ALDH16A1: variants seen among roughly 807,000 people sequenced by gnomAD.
ALDH16A1 encodes aldehyde dehydrogenase family 16 member A1.
In ALDH16A1, 88 loss-of-function variants were observed where a neutral mutation model predicts 96.1. That is an observed-to-expected ratio of 0.92 (90% CI 0.77 to 1.09). The LOEUF (loss-of-function observed/expected upper bound fraction) is 1.09, where lower values mean the gene tolerates loss of function less well. ALDH16A1 is among the 50% of genes least tolerant of loss of function. The pLI is 0.00. For synonymous variants in ALDH16A1, 522 were observed against 496.4 expected (o/e 1.05, Z -0.69); for missense variants, 1,250 against 1,112.6 (o/e 1.12, Z -1.76).
rs532344841 is a variant in ALDH16A1, at chr19:49,467,689, C to T, written c.1939-692C>T. 5.9e-5 allele frequency among the ~76,000 whole-genome samples: 9 copies of T among 151,796 alleles called. No individual in the cohort carries two copies. The East Asian group carries it at 7.8e-4, about 13-fold the overall frequency. On this transcript the variant is annotated intron_variant, in intron 14 of 16. Coordinates refer to ENST00000293350, the MANE Select transcript of ALDH16A1 (RefSeq NM_153329.4). ...GATTACAGGTGTGAGCCACTACACC[C>T]GGCCTTCTTTTTTTTAAATTTTATT...
chr19:49,468,208 C>G lies in ALDH16A1; in HGVS notation c.1939-173C>G. 1 of 612,164 alleles carries G rather than the reference C, an allele frequency of 1.6e-6. No homozygotes were observed. Among genetic ancestry groups the G allele is most frequent in the South Asian group, 2.2e-5 (1 of 45,306 alleles). The allele number at this position is 612,164 out of a possible 1,614,324, so 37.9% of individuals were successfully genotyped here. A position where few individuals can be genotyped will look rare whatever the true frequency, so the allele number is the denominator to read the frequency against. On this transcript the variant is annotated intron_variant, in intron 14 of 16. Coordinates refer to ENST00000293350, the MANE Select transcript of ALDH16A1 (RefSeq NM_153329.4). This position sits in a 1 kb window ranked among gnomAD's most constrained non-coding sequence, Gnocchi z 4.4. ...GTTATGCAGGATGTTTCTCACCGCC[C>G]GAACCCCCGTGGAATGATTCACTTT...
Position 49,459,757 on chromosome 19 carries a change from C to T in ALDH16A1, c.408C>T (p.Asp136=), listed in dbSNP as rs145280016. The change falls in exon 4 of 17, where the codon GAC becomes GAT. Residue 136 remains aspartate, a synonymous_variant. Transcript: ENST00000293350. The surrounding 1 kb of genome is among the most constrained non-coding windows in gnomAD (Gnocchi z 4.1). ...GGCGGGCTGTTCGAGAGGTTCGAGACGGGGACGTCCAGCTGGCCCAGCAGC... is the reference window on the plus strand; with the variant it reads ...GGCGGGCTGTTCGAGAGGTTCGAGATGGGGACGTCCAGCTGGCCCAGCAGC... ...VTGRAVREVR[D]GDVQLAQQLL... 2.2e-5 allele frequency: 35 copies of T among 1,613,678 alleles called. No individual in the cohort carries two copies. The highest frequency in any genetic ancestry group is 1.2e-4 in the African/African-American group (9 of 75,020).
rs764861882 is a variant in ALDH16A1, at chr19:49,461,976, G to A, written c.852G>A (p.Thr284=). ...AGTCGCTGCTGCTGCTGACGGACACGGCGGACGTAGACTCGGCCGTGGAGG... is the reference window on the plus strand; with the variant it reads ...AGTCGCTGCTGCTGCTGACGGACACAGCGGACGTAGACTCGGCCGTGGAGG... The part of the protein sequence containing the change: ...GTESLLLLTD[T]ADVDSAVEGV... The change falls in exon 7 of 17, where the codon ACG becomes ACA. Residue 284 remains threonine (T), a synonymous_variant. Transcript: ENST00000293350. The A allele has an allele frequency of 1.9e-5, 30 of 1,554,964 alleles. No homozygotes were observed. The highest frequency in any genetic ancestry group is 1.2e-4 in the South Asian group (10 of 85,190).
intron 1 of ALDH16A1, among the ~76,000 whole-genome samples, chr19:49,454,020 G>GTTT (rs3032838): frequency 2.9e-5 from 2 of 68,250 alleles, no homozygotes; most frequent in Non-Finnish European, 3.7e-5. Context: ...TTTGGGTTGG[G>GTTT]TTTTTTTTTT....
chr19:49,460,694 G>C (rs529386987), intron 4 of ALDH16A1, 128 bp from the exon 5 acceptor site: 10 of 790,278 alleles, frequency 1.3e-5, no homozygotes, highest in Non-Finnish European at 1.8e-5. Context: ...GATTACAGGC[G>C]TGAGCCACCA....
chr19:49,459,788 C>T lies in ALDH16A1; in HGVS notation c.439C>T (p.His147Tyr). The change falls in exon 4 of 17, where the codon CAC becomes TAC. Residue 147 changes from histidine to tyrosine, a missense_variant. His to Tyr is a moderately conservative substitution (Grantham distance 83). Coordinates refer to ENST00000293350, the MANE Select transcript of ALDH16A1 (RefSeq NM_153329.4). This position sits in a 1 kb window ranked among gnomAD's most constrained non-coding sequence, Gnocchi z 4.1. ...CGTCCAGCTGGCCCAGCAGCTGCTC[C>T]ACTACCATGCAATCCAGGCATCCAC... is the stretch of plus-strand genomic sequence containing the variant. Reference protein sequence around the residue: ...GDVQLAQQLLHYHAIQASTQE... With the variant: ...GDVQLAQQLLYYHAIQASTQE... The T allele has an allele frequency of 6.2e-7, 1 of 1,613,564 alleles. No homozygotes were observed. The highest frequency in any genetic ancestry group is 8.5e-7 in the Non-Finnish European group (1 of 1,179,908).
chr19:49,462,357 A>G (rs1438501236), intron 7 of ALDH16A1, among the ~76,000 whole-genome samples: 2 of 151,700 alleles, frequency 1.3e-5, no homozygotes, highest in Non-Finnish European at 2.9e-5. Context: ...CTGGTCTCGA[A>G]CTCCTGACCT....
At position 49,470,268 on chromosome 19, in the gene ALDH16A1, C is replaced by T. The variant is rs752304654; in HGVS notation, c.2248-38C>T. The T allele has an allele frequency of 8.1e-6, 13 of 1,610,798 alleles. No individual in the cohort carries two copies. The Admixed American group carries it at 2.2e-4, about 27-fold the overall frequency. ...AGGAAGCAGGTGCTCAGCAACAAGC[C>T]TGCAGAAGTGCTTACCCCCGTCTCT... On this transcript the variant is annotated intron_variant, in intron 16 of 16. Transcript: ENST00000293350.
rs745940024 is a variant in ALDH16A1, at chr19:49,461,912, C to T, written c.788C>T (p.Ala263Val). Residue 263 changes from alanine to valine, a missense_variant, in exon 7 of 17, where the codon GCG becomes GTG. Coordinates refer to ENST00000293350, the MANE Select transcript of ALDH16A1 (RefSeq NM_153329.4). ...EEGRALRRSL[A>V]GECAELGLAL... ...GGGCGTGCCCTTCGACGGAGCCTGG[C>T]GGGAGAGTGTGCGGAGCTGGGCCTG... 5.1e-6 allele frequency: 8 copies of T among 1,580,494 alleles called. No individual in the cohort carries two copies. In the East Asian group the frequency reaches 7.0e-5, roughly 14 times the overall value.
chr19:49,466,925 A>G (rs112367220), intron 14 of ALDH16A1, among the ~76,000 whole-genome samples: 2,441 of 151,440 alleles, frequency 0.016, 32 homozygotes, highest in South Asian at 0.039. Context: ...TAATCCTAGC[A>G]CTTTGGGAGG....
chr19:49,461,970 G>T lies in ALDH16A1; in HGVS notation c.846G>T (p.Thr282=), dbSNP rs202209926. ...GGACGGAGTCGCTGCTGCTGCTGAC[G>T]GACACGGCGGACGTAGACTCGGCCG... The part of the protein sequence containing the change: ...ALGTESLLLL[T]DTADVDSAVE... Residue 282 remains threonine, a synonymous_variant, in exon 7 of 17, where the codon ACG becomes ACT. Coordinates refer to ENST00000293350, the MANE Select transcript of ALDH16A1 (RefSeq NM_153329.4). The T allele has an allele frequency of 7.1e-4, 1,110 of 1,555,362 alleles. 1 individual carries two copies. Among genetic ancestry groups the T allele is most frequent in the Admixed American group, 1.4e-3 (71 of 52,218 alleles).
rs776784976 is a variant in ALDH16A1, at chr19:49,468,249, A to C, written c.1939-132A>C. On this transcript the variant is annotated intron_variant, in intron 14 of 16. Coordinates refer to ENST00000293350, the MANE Select transcript of ALDH16A1 (RefSeq NM_153329.4). This position sits in a 1 kb window ranked among gnomAD's most constrained non-coding sequence, Gnocchi z 4.4. ...GATTCACTTTGACCAGCGTCTGCGA[A>C]ATGGCAGGGGCTTCCACAATGGTGC... 15 of 898,906 alleles carry C rather than the reference A, an allele frequency of 1.7e-5. No homozygotes were observed. The highest frequency in any genetic ancestry group is 2.2e-5 in the Non-Finnish European group (13 of 603,814). 55.7% of individuals were successfully genotyped at this position (898,906 alleles called of 1,614,324 possible).
At position 49,468,967 on chromosome 19, in the gene ALDH16A1, G is replaced by A. The variant is rs867870834; in HGVS notation, c.2228G>A (p.Trp743Ter). The change falls in exon 16 of 17, where the codon TGG becomes TAG. Residue 743 changes from tryptophan to a stop codon, truncating the protein, a stop_gained. Coordinates refer to ENST00000293350, the MANE Select transcript of ALDH16A1 (RefSeq NM_153329.4). LOFTEE classifies it high-confidence loss of function. The surrounding 1 kb of genome is among the most constrained non-coding windows in gnomAD (Gnocchi z 4.4). ...LALHQDVQAM[W>*]YFGSAQGSQF... is the part of the protein sequence containing the mutation. Reference sequence around the variant, plus strand: ...TTGCACCAAGACGTCCAGGCCATGTGGTATTTCGGATCAGCCCAGGTGCTC... The same window carrying A: ...TTGCACCAAGACGTCCAGGCCATGTAGTATTTCGGATCAGCCCAGGTGCTC... The A allele has an allele frequency of 5.6e-6, 9 of 1,613,052 alleles. No individual in the cohort carries two copies. In the African/African-American group the frequency reaches 9.3e-5, roughly 17 times the overall value.
chr19:49,470,382 GGGACCAGGA>G lies in ALDH16A1; in HGVS notation c.2327_2335del (p.Asp776_Glu778del). Reference sequence around the variant, plus strand: ...GCGAGCAGGGGCTGCCCGCGGGCCTGGGACCAGGAGGCCGAGGGGGCAGGCCCAGAGCTG... The same window carrying G: ...GCGAGCAGGGGCTGCCCGCGGGCCTGGGCCGAGGGGGCAGGCCCAGAGCTG... On this transcript the variant is annotated inframe_deletion, in exon 17 of 17. Coordinates refer to ENST00000293350, the MANE Select transcript of ALDH16A1 (RefSeq NM_153329.4). The G allele has an allele frequency of 6.2e-7, 1 of 1,612,778 alleles. No homozygotes were observed. The highest frequency in any genetic ancestry group is 8.5e-7 in the Non-Finnish European group (1 of 1,179,730).
Position 49,465,911 on chromosome 19 carries a change from G to A in ALDH16A1, c.1736+6G>A, listed in dbSNP as rs138680384. ...GCTCACCAGGCTTTCCCTGGGTAAGGGGTCACACGGGAAAGCCCAAGGGTC... is the reference window on the plus strand; with the variant it reads ...GCTCACCAGGCTTTCCCTGGGTAAGAGGTCACACGGGAAAGCCCAAGGGTC... On this transcript the variant is annotated splice_donor_region_variant and intron_variant, in intron 13 of 16. Coordinates refer to ENST00000293350, the MANE Select transcript of ALDH16A1 (RefSeq NM_153329.4). 3,428 of 1,612,774 alleles carry A rather than the reference G, an allele frequency of 2.1e-3. 74 individuals are homozygous for A. The African/African-American group carries it at 0.04, about 19-fold the overall frequency.
intron 13 of ALDH16A1, 51 bp downstream of exon 13, chr19:49,465,956 A>G: frequency 6.3e-7 from 1 of 1,582,524 alleles, no homozygotes; most frequent in Non-Finnish European, 8.6e-7. Flanking sequence ...CAGAGAGGGG[A>G]GCCTGCCCAC....
chr19:49,461,644 C>G lies in ALDH16A1; in HGVS notation c.603C>G (p.Pro201=). Residue 201 remains proline, a synonymous_variant, in exon 6 of 17, where the codon CCC becomes CCG. Transcript: ENST00000293350. ...AVGCTVVALV[P]PASPAPLLLA... is the part of the protein sequence containing the mutation. Reference sequence around the variant, plus strand: ...GCTGCACCGTGGTGGCCCTCGTGCCCCCGGCCTCCCCGGCGCCCCTCCTCC... The same window carrying G: ...GCTGCACCGTGGTGGCCCTCGTGCCGCCGGCCTCCCCGGCGCCCCTCCTCC... 1 of 1,599,210 alleles carries G rather than the reference C, an allele frequency of 6.3e-7. No homozygotes were observed. The highest frequency in any genetic ancestry group is 8.5e-7 in the Non-Finnish European group (1 of 1,173,406).
At position 49,470,689 on chromosome 19, in the gene ALDH16A1, C is replaced by CCCAGAG. The variant is rs2079239107; in HGVS notation, c.*226_*227insAGCCAG. 9.2e-6 allele frequency: 4 copies of CCCAGAG among 433,996 alleles called. No individual in the cohort carries two copies. The South Asian group carries it at 2.1e-4, about 22-fold the overall frequency. 26.9% of individuals were successfully genotyped at this position (433,996 alleles called of 1,614,324 possible). A position where few individuals can be genotyped will look rare whatever the true frequency, so the allele number is the denominator to read the frequency against. ...TTTGAGACAACGTCTGGCTCTGTCA[C>CCCAGAG]CCAGGCTGGAGCGCAGTGGCACAAT... is the stretch of plus-strand genomic sequence containing the variant. On this transcript the variant is annotated 3_prime_UTR_variant, in exon 17 of 17. Transcript: ENST00000293350.
rs768524997 is a variant in ALDH16A1 at position 49,466,124 on chromosome 19, G to A, written c.1779G>A (p.Trp593Ter). ...QSPGARAALLWALAAALERRK... is the reference protein window; with the variant it reads ...QSPGARAALL The stretch of plus-strand genomic sequence containing the variant: ...CAGGAGCCCGGGCAGCCCTGCTGTG[G>A]GCCCTGGCGGCTGCACTGGAGCGCC... Residue 593 changes from tryptophan to a stop codon, truncating the protein, a stop_gained, in exon 14 of 17, where the codon TGG becomes TGA. Coordinates refer to ENST00000293350, the MANE Select transcript of ALDH16A1 (RefSeq NM_153329.4). LOFTEE classifies it high-confidence loss of function. The A allele has an allele frequency of 1.6e-5, 25 of 1,553,710 alleles. No individual in the cohort carries two copies. Among genetic ancestry groups the A allele is most frequent in the Non-Finnish European group, 2.0e-5 (23 of 1,152,340 alleles).
Sources: allele counts gnomAD v4.1 joint callset (sites outside exome capture counted in the v4.1 genomes callset), GRCh38; gene constraint gnomAD v4.1.1; non-coding constraint Gnocchi (gnomAD v3.1); transcripts MANE v1.5; gene names NCBI Gene and HGNC (gene_info 2026-07-23, HGNC 2026-07-21).